The following BNC2 variants were observed in gnomAD, a reference collection of about 807,000 sequenced individuals.
BNC2 encodes the protein zinc finger protein basonuclin-2.
In BNC2, 20 loss-of-function variants were observed where a neutral mutation model predicts 76.3. The observed-to-expected ratio is 0.26, with a 90% CI of 0.18 to 0.38. The LOEUF (loss-of-function observed/expected upper bound fraction) is 0.38. Ranked by LOEUF, BNC2 falls within the 10% of genes least tolerant of loss-of-function variation. The pLI is 1.00. For synonymous variants in BNC2, 582 were observed against 514.8 expected (o/e 1.13, Z -1.77); for missense variants, 1,382 against 1,399.8 (o/e 0.99, Z 0.20).
intron 1 of BNC2, among the ~76,000 whole-genome samples, chr9:16,837,007 C>T (rs1426047633): frequency 2.0e-5 from 3 of 152,136 alleles, no homozygotes; most frequent in Non-Finnish European, 4.4e-5. Flanking sequence ...AAATTTACCA[C>T]ATCATAAATT....
At chr9:16,832,816 A>G (rs1818611144) in intron 1 of BNC2, among the ~76,000 whole-genome samples, 2 of 151,404 alleles carry the variant, frequency 1.3e-5, no homozygotes, top group South Asian at 2.1e-4. Flanking sequence ...ACCCCCGCCC[A>G]CTGGGTTCAA....
chr9:16,603,821 A>T (rs976564402), intron 3 of BNC2, among the ~76,000 whole-genome samples: 7 of 151,900 alleles, frequency 4.6e-5, no homozygotes, highest in African/African-American at 1.7e-4. Flanking sequence ...CTTTTCTTTA[A>T]TTTTTTTTCT....
chr9:16,658,441 C>T (rs560754856), intron 3 of BNC2, among the ~76,000 whole-genome samples: 1 of 152,314 alleles, frequency 6.6e-6, no homozygotes. Context: ...GAAACTAAAA[C>T]ACACATTACC....
At chr9:16,846,408 A>C (rs1413485904) in intron 1 of BNC2, among the ~76,000 whole-genome samples, 1 of 152,218 alleles carries the variant, frequency 6.6e-6, no homozygotes, top group Non-Finnish European at 1.5e-5. Context: ...TCTTTGAAAA[A>C]TATTTGTCAC....
intron 3 of BNC2, among the ~76,000 whole-genome samples, chr9:16,697,482 G>C (rs976818876): frequency 2.6e-5 from 4 of 152,180 alleles, no homozygotes; most frequent in Non-Finnish European, 5.9e-5. Context: ...AGCACTTTGG[G>C]AGGCTGAGGC....
At chr9:16,667,080 T>TAC (rs139744564) in intron 3 of BNC2, among the ~76,000 whole-genome samples, 7,028 of 142,406 alleles carry the variant, frequency 0.049, 176 homozygotes, top group African/African-American at 0.083. Flanking sequence ...CAGATACACA[T>TAC]ACACACACAC....
chr9:16,785,163 G>A (rs1826251749), intron 1 of BNC2, among the ~76,000 whole-genome samples: 1 of 152,190 alleles, frequency 6.6e-6, no homozygotes, highest in Non-Finnish European at 1.5e-5. Context: ...CTACCCACTA[G>A]GCGAGGTTAA....
chr9:16,557,434 G>C (rs996077615), intron 4 of BNC2, among the ~76,000 whole-genome samples: 1 of 151,962 alleles, frequency 6.6e-6, no homozygotes, highest in African/African-American at 2.4e-5. Context: ...AGGAGGCGAA[G>C]GTTGCAGTGA....
In BNC2 at chr9:16,473,116, G is replaced by C. The variant is rs182344292; in HGVS notation, c.670-35592C>G. The C allele has an allele frequency of 1.4e-4, 22 of 152,376 alleles. No homozygotes were observed. In the East Asian group the frequency reaches 4.2e-3, roughly 29 times the overall value. The allele number at this position is 152,376 out of a possible 1,614,324, so 9.4% of individuals were successfully genotyped here. On this transcript the variant is annotated intron_variant, in intron 5 of 6. Transcript: ENST00000380672. ...GGCTCTTACTTCTTTCCCTATTGAG[G>C]TGTTCCTAGTGTGTGGGCAGACAAA...
At chr9:16,790,757 C>T (rs1817482472) in intron 1 of BNC2, among the ~76,000 whole-genome samples, 1 of 151,468 alleles carries the variant, frequency 6.6e-6, no homozygotes, top group South Asian at 2.1e-4. Context: ...TCACTAAGTG[C>T]TCCTAGCTAA....
chr9:16,482,216 T>C (rs1822071620), intron 5 of BNC2, among the ~76,000 whole-genome samples: 1 of 152,192 alleles, frequency 6.6e-6, no homozygotes, highest in African/African-American at 2.4e-5. Flanking sequence ...ATAAGTTTAA[T>C]CTTGGCCAAA....
At chr9:16,608,044 C>G (rs1052781491) in intron 3 of BNC2, among the ~76,000 whole-genome samples, 7 of 152,076 alleles carry the variant, frequency 4.6e-5, no homozygotes, top group African/African-American at 1.7e-4. Flanking sequence ...TAAATAAAGC[C>G]TTCAAGAAAT....
intron 1 of BNC2, among the ~76,000 whole-genome samples, chr9:16,773,243 T>A (rs149711801): frequency 1.3e-5 from 2 of 152,286 alleles, no homozygotes; most frequent in African/African-American, 4.8e-5. Context: ...CTCCAGATCA[T>A]ACAGTGAGTT....
intron 5 of BNC2, among the ~76,000 whole-genome samples, chr9:16,441,601 C>T (rs1300193575): frequency 1.3e-5 from 2 of 152,150 alleles, no homozygotes; most frequent in Non-Finnish European, 2.9e-5. Flanking sequence ...GTGAAGGTAA[C>T]GACCTCTATG....
intron 3 of BNC2, among the ~76,000 whole-genome samples, chr9:16,596,959 G>C (rs1233991977): frequency 6.6e-6 from 1 of 152,048 alleles, no homozygotes; most frequent in African/African-American, 2.4e-5. Flanking sequence ...CCTTTACTCG[G>C]GAAGAAAATG....
chr9:16,805,656 T>C (rs536727718), intron 1 of BNC2, among the ~76,000 whole-genome samples: 7 of 152,008 alleles, frequency 4.6e-5, no homozygotes, highest in Admixed American at 1.3e-4. Context: ...ACATGGAAAC[T>C]GCATGAGAAA....
At chr9:16,551,901 C>CA (rs1379807272) in intron 5 of BNC2, among the ~76,000 whole-genome samples, 2 of 152,128 alleles carry the variant, frequency 1.3e-5, no homozygotes, top group Non-Finnish European at 2.9e-5. Context: ...GCCATTGACA[C>CA]AAAGGAGACA....
chr9:16,434,646 A>G (rs941492485), intron 6 of BNC2, among the ~76,000 whole-genome samples: 1 of 152,294 alleles, frequency 6.6e-6, no homozygotes, highest in East Asian at 1.9e-4. Flanking sequence ...ACCTTGACAC[A>G]TTCCATTTAT....
chr9:16,805,336 T>G (rs1052799317), intron 1 of BNC2, among the ~76,000 whole-genome samples: 207 of 151,916 alleles, frequency 1.4e-3, no homozygotes, highest in African/African-American at 4.7e-3. Context: ...TTTTGTTGGT[T>G]TTTTTTTGAG....
Sources: allele counts gnomAD v4.1 joint callset (sites outside exome capture counted in the v4.1 genomes callset), GRCh38; gene constraint gnomAD v4.1.1; transcripts MANE v1.5; gene names NCBI Gene and HGNC (gene_info 2026-07-23, HGNC 2026-07-21).